The following TYW1B variants were observed in gnomAD, a reference collection of about 807,000 sequenced individuals.
TYW1B encodes the protein S-adenosyl-L-methionine-dependent tRNA 4-demethylwyosine synthase TYW1B.
In TYW1B, 73 loss-of-function variants were observed where a neutral mutation model predicts 86.9. The ratio of observed to expected loss-of-function variants is 0.84; its 90% CI spans 0.70 to 1.02. TYW1B has a LOEUF of 1.02. Among genes scored for constraint, TYW1B ranks in the 50% least tolerant of loss-of-function variants. TYW1B has a pLI of 0.00. For synonymous variants in TYW1B, 248 were observed against 292.8 expected (o/e 0.85, Z 1.56); for missense variants, 637 against 827.4 (o/e 0.77, Z 2.82).
At chr7:72,641,479 A>G (rs1812798232) in intron 11 of TYW1B, among the ~76,000 whole-genome samples, 1 of 152,228 alleles carries the variant, frequency 6.6e-6, no homozygotes, top group Non-Finnish European at 1.5e-5. Flanking sequence ...TCAGCAGAAT[A>G]CTACCAAACC....
chr7:72,706,810 A>T (rs1239397649), intron 10 of TYW1B, among the ~76,000 whole-genome samples: 10 of 152,200 alleles, frequency 6.6e-5, no homozygotes, highest in Non-Finnish European at 1.2e-4. Flanking sequence ...TTCAAAGTCA[A>T]AAGTCCAGAT....
chr7:72,657,732 GC>G (rs1813237959), intron 11 of TYW1B, among the ~76,000 whole-genome samples: 1 of 152,166 alleles, frequency 6.6e-6, no homozygotes, highest in Non-Finnish European at 1.5e-5. Flanking sequence ...ACTACATCCA[GC>G]AAAACTATCC....
chr7:72,794,087 G>A (rs1420529206), intron 6 of TYW1B, among the ~76,000 whole-genome samples: 2 of 152,180 alleles, frequency 1.3e-5, no homozygotes, highest in African/African-American at 4.8e-5. Flanking sequence ...CTGCTAGGTA[G>A]GAATTGGCCT....
intron 11 of TYW1B, among the ~76,000 whole-genome samples, chr7:72,639,394 T>C (rs1383004471): frequency 1.8e-4 from 27 of 152,222 alleles, no homozygotes; most frequent in African/African-American, 6.3e-4. Flanking sequence ...CTTGAACCCC[T>C]GGACTCAAGT....
At chr7:72,792,471 A>C (rs1402964414) in intron 6 of TYW1B, among the ~76,000 whole-genome samples, 1 of 152,244 alleles carries the variant, frequency 6.6e-6, no homozygotes, top group African/African-American at 2.4e-5. Flanking sequence ...CAGATTGACA[A>C]GATTTGAAAG....
chr7:72,668,719 T>C (rs1265355852), intron 11 of TYW1B, among the ~76,000 whole-genome samples: 4 of 152,164 alleles, frequency 2.6e-5, no homozygotes, highest in African/African-American at 9.7e-5. Context: ...GAGGTCAGAG[T>C]GGAGGGAAAG....
rs72093914 is a variant in TYW1B at position 72,814,013 on chromosome 7, T to TA, written c.237+1366dup. ...CTGGGCAACAAGAGCAAAACTCCAT[T>TA]AAAAAAAAAAAAAAAAGATATTAAC... On this transcript the variant is annotated intron_variant, in intron 3 of 13. Transcript: ENST00000620995. Among the ~76,000 whole-genome samples the TA allele has an allele frequency of 5.2e-3, 682 of 132,368 alleles. 3 individuals carry two copies. Among genetic ancestry groups the TA allele is most frequent in the Middle Eastern group, 0.019 (5 of 262 alleles). 86.8% of individuals were successfully genotyped at this position (132,368 alleles called of 152,430 possible).
At chr7:72,622,888 G>A (rs1554438228) in intron 12 of TYW1B, among the ~76,000 whole-genome samples, 2 of 152,084 alleles carry the variant, frequency 1.3e-5, no homozygotes, top group East Asian at 3.9e-4. Flanking sequence ...GATGCCGAGG[G>A]CATGCCTGGC....
intron 11 of TYW1B, among the ~76,000 whole-genome samples, chr7:72,658,220 C>T (rs1813251522): frequency 6.6e-6 from 1 of 151,514 alleles, no homozygotes; most frequent in Non-Finnish European, 1.5e-5. Flanking sequence ...CACTGCGCTC[C>T]AGCCTGGGTG....
intron 9 of TYW1B, among the ~76,000 whole-genome samples, chr7:72,715,228 A>G (rs535943345): frequency 2.0e-5 from 3 of 152,018 alleles, no homozygotes; most frequent in Non-Finnish European, 4.4e-5. Flanking sequence ...AGACAAGTTT[A>G]GTAGCCACTA....
At chr7:72,744,646 C>T in intron 7 of TYW1B, 45 bp from the exon 8 acceptor site, 1 of 1,601,568 alleles carries the variant, frequency 6.2e-7, no homozygotes, top group Non-Finnish European at 8.6e-7. Flanking sequence ...ATCGTCAAAG[C>T]ACAGAAACAA....
chr7:72,683,404 T>C lies in TYW1B; in HGVS notation c.1506+11283A>G, dbSNP rs544863223. 3.9e-5 allele frequency among the ~76,000 whole-genome samples: 6 copies of C among 152,220 alleles called. No individual in the cohort carries two copies. In the South Asian group the frequency reaches 1.0e-3, roughly 26 times the overall value. On this transcript the variant is annotated intron_variant, in intron 11 of 13. Coordinates refer to ENST00000620995, the MANE Select transcript of TYW1B (RefSeq NM_001145440.3). ...GCCCAACATGGTAAAACCCCGTCTC[T>C]AGTAAAAATACAAAAATTAGTGGAG...
chr7:72,792,059 G>C (rs1554473593), intron 6 of TYW1B, among the ~76,000 whole-genome samples: 1 of 152,132 alleles, frequency 6.6e-6, no homozygotes, highest in African/African-American at 2.4e-5. Flanking sequence ...GCCAGGCGCA[G>C]TGGCTCACGC....
intron 8 of TYW1B, among the ~76,000 whole-genome samples, chr7:72,741,524 A>C (rs1437374780): frequency 1.3e-5 from 2 of 152,208 alleles, no homozygotes; most frequent in Non-Finnish European, 2.9e-5. Context: ...CAACATATGC[A>C]TAATAAAAGT....
chr7:72,681,944 C>A (rs1383191007), intron 11 of TYW1B, among the ~76,000 whole-genome samples: 1 of 151,710 alleles, frequency 6.6e-6, no homozygotes, highest in Non-Finnish European at 1.5e-5. Context: ...GTGACGCAAT[C>A]TCGGCTCACT....
chr7:72,716,228 T>C (rs1467356189), intron 9 of TYW1B, among the ~76,000 whole-genome samples: 1 of 152,220 alleles, frequency 6.6e-6, no homozygotes, highest in Non-Finnish European at 1.5e-5. Context: ...TGAGCCACCA[T>C]GCCCAGCCAT....
At chr7:72,606,783 A>G (rs564857663) in intron 13 of TYW1B, among the ~76,000 whole-genome samples, 2,703 of 148,726 alleles carry the variant, frequency 0.018, 67 homozygotes, top group African/African-American at 0.039. Flanking sequence ...AGAAGCTGAG[A>G]GGGGAACTGG....
intron 11 of TYW1B, among the ~76,000 whole-genome samples, chr7:72,665,773 G>A (rs1316569499): frequency 5.3e-5 from 8 of 152,098 alleles, no homozygotes; most frequent in Non-Finnish European, 1.0e-4. Context: ...CTATTTGCTT[G>A]TCCTCAGAAG....
chr7:72,611,286 T>G (rs1349666420), intron 13 of TYW1B, among the ~76,000 whole-genome samples: 46 of 152,122 alleles, frequency 3.0e-4, no homozygotes, highest in African/African-American at 1.1e-3. Flanking sequence ...ATTTGTCTTT[T>G]TCTGTTAGCC....
Sources: gnomAD v4.1 joint callset for allele counts (sites outside exome capture counted in the v4.1 genomes callset) on GRCh38, gnomAD v4.1.1 for gene constraint, MANE v1.5 for transcripts, NCBI Gene and HGNC (gene_info 2026-07-23, HGNC 2026-07-21) for gene names.